Variants in HTR3B observed in about 807,000 individuals in gnomAD.
HTR3B encodes 5-hydroxytryptamine receptor 3B, also known as 5-hydroxytryptamine (serotonin) receptor 3B, ionotropic.
A neutral mutation model predicts 42.8 loss-of-function variants in HTR3B; 44 were observed. The observed-to-expected ratio is 1.03, with a 90% CI of 0.81 to 1.32. The LOEUF is 1.32. Ranked by LOEUF, HTR3B falls within the 40% of genes most tolerant of loss-of-function variation. The pLI, the probability that HTR3B is intolerant of heterozygous loss-of-function variation, is 0.00. For missense variants in HTR3B, 527 were observed against 536.5 expected, an observed-to-expected ratio of 0.98 and a Z score of 0.17; for synonymous variants, 203 against 209.0, an observed-to-expected ratio of 0.97 and a Z score of 0.25.
intron 2 of HTR3B, among the ~76,000 whole-genome samples, chr11:113,927,093 G>A (rs1201424962): frequency 6.6e-6 from 1 of 151,926 alleles, no homozygotes; most frequent in Admixed American, 6.6e-5. Context: ...TATCCACTTT[G>A]TATTATCATT....
At chr11:113,921,490 G>C (rs966905084) in intron 2 of HTR3B, among the ~76,000 whole-genome samples, 1 of 139,212 alleles carries the variant, frequency 7.2e-6, no homozygotes, top group Non-Finnish European at 1.5e-5. Flanking sequence ...GGGCGTGGTG[G>C]TGGGCACCTG....
intron 6 of HTR3B, 146 bp downstream of exon 6, chr11:113,933,239 T>G: frequency 1.4e-6 from 1 of 738,082 alleles, no homozygotes; most frequent in Non-Finnish European, 2.1e-6. Context: ...AGCATCCACC[T>G]GCATTCCAGC....
At position 113,948,554 on chromosome 11, in the gene HTR3B, G is replaced by A. The variant is rs935220621; in HGVS notation, c.*2417G>A. Among the ~76,000 whole-genome samples, 3 of 152,208 alleles carry A rather than the reference G, an allele frequency of 2.0e-5. No homozygotes were observed. Among genetic ancestry groups the A allele is most frequent in the Non-Finnish European group, 2.9e-5 (2 of 68,026 alleles). On this transcript the variant is annotated 3_prime_UTR_variant, in exon 9 of 9. Transcript: ENST00000260191. Reference sequence around the variant, plus strand: ...GTTATGAGGATCAAAATGAAAAAATGTATTGAACAATGCTTTGAAAAGTAA... The same window carrying A: ...GTTATGAGGATCAAAATGAAAAAATATATTGAACAATGCTTTGAAAAGTAA...
At position 113,948,366 on chromosome 11, in the gene HTR3B, T is replaced by C. The variant is rs560897222; in HGVS notation, c.*2229T>C. ...GTGGGGTCTCTCTCCTTCCCAACTA[T>C]GTCTTAGAGAAAGCACCAGTGTCAG... On this transcript the variant is annotated 3_prime_UTR_variant, in exon 9 of 9. Coordinates refer to ENST00000260191, the MANE Select transcript of HTR3B (RefSeq NM_006028.5). 7.2e-5 allele frequency among the ~76,000 whole-genome samples: 11 copies of C among 152,310 alleles called. 1 individual carries two copies. In the South Asian group the frequency reaches 2.3e-3, roughly 32 times the overall value.
At chr11:113,901,179 T>A (rs1182187672), upstream of HTR3B, among the ~76,000 whole-genome samples, 1 of 152,128 alleles carries the variant, frequency 6.6e-6, no homozygotes, top group Non-Finnish European at 1.5e-5. Flanking sequence ...TAGTGGTGCA[T>A]GCCTATATTC....
In HTR3B at chr11:113,926,225, G is replaced by C. The variant is rs565192509; in HGVS notation, c.214-5159G>C. Among the ~76,000 whole-genome samples, 3 of 152,078 alleles carry C rather than the reference G, an allele frequency of 2.0e-5. No homozygotes were observed. The South Asian group carries it at 6.2e-4, about 32-fold the overall frequency. On this transcript the variant is annotated intron_variant, in intron 2 of 8. Transcript: ENST00000260191. Reference sequence around the variant, plus strand: ...TATTACTTTTTATTGCTGTATAATCGATTGTATGGATATATCACATTTTGT... The same window carrying C: ...TATTACTTTTTATTGCTGTATAATCCATTGTATGGATATATCACATTTTGT...
chr11:113,934,410 AAAAGAAAG>A (rs747810303), intron 6 of HTR3B, among the ~76,000 whole-genome samples: 2 of 151,802 alleles, frequency 1.3e-5, no homozygotes, highest in Non-Finnish European at 2.9e-5. Context: ...AAGAAAGAAA[AAAAGAAAG>A]AAAGAAAGAA....
chr11:113,916,245 T>G (rs1028103375), intron 2 of HTR3B, among the ~76,000 whole-genome samples: 2 of 152,254 alleles, frequency 1.3e-5, no homozygotes, highest in Non-Finnish European at 2.9e-5. Flanking sequence ...TTTCATGTGC[T>G]TATTTGCCAA....
intron 2 of HTR3B, among the ~76,000 whole-genome samples, chr11:113,930,533 G>T (rs572170666): frequency 7.2e-6 from 1 of 138,494 alleles, no homozygotes; most frequent in East Asian, 2.1e-4. Context: ...CTGTCACCTA[G>T]GCTGGAGTGC....
At chr11:113,942,955 T>C in intron 6 of HTR3B, 27 bp from the exon 7 acceptor site, 2 of 1,608,128 alleles carry the variant, frequency 1.2e-6, no homozygotes, top group Non-Finnish European at 1.7e-6. Context: ...AGATCCTCTT[T>C]TCATCAGACC....
rs188388893 is a variant in HTR3B at position 113,935,921 on chromosome 11, G to A, written c.696+2828G>A. 1.7e-3 allele frequency among the ~76,000 whole-genome samples: 263 copies of A among 152,232 alleles called. 1 individual carries two copies. Among genetic ancestry groups the A allele is most frequent in the African/African-American group, 6.1e-3 (253 of 41,542 alleles). On this transcript the variant is annotated intron_variant, in intron 6 of 8. Transcript: ENST00000260191. ...CCATTTATACTAAATCAAGTGCTCC[G>A]GATGCCCCATGAGTTTCAGCTAATG...
chr11:113,944,596 G>C lies in HTR3B; in HGVS notation c.931G>C (p.Ala311Pro). ...LIGHFFTICM[A>P]FLVLSLAKSI... The stretch of plus-strand genomic sequence containing the variant: ...AGGGCACTTCTTCACCATCTGCATG[G>C]CCTTCTTGGTTCTCAGCTTAGCTAA... The change falls in exon 8 of 9, where the codon GCC (alanine) becomes CCC (proline). Residue 311 changes from alanine (A) to proline (P), a missense_variant. By Grantham distance (27) the Ala-to-Pro change is conservative (BLOSUM62 -1). Coordinates refer to ENST00000260191, the MANE Select transcript of HTR3B (RefSeq NM_006028.5). 1 of 1,614,088 alleles carries C rather than the reference G, an allele frequency of 6.2e-7. No individual in the cohort carries two copies. The highest frequency in any genetic ancestry group is 8.5e-7 in the Non-Finnish European group (1 of 1,179,972).
rs886374620 is a variant in HTR3B, at chr11:113,947,227, C to A, written c.*1090C>A. On this transcript the variant is annotated 3_prime_UTR_variant, in exon 9 of 9. Transcript: ENST00000260191. ...CAAGCAATTCCCCTGCCTCAGCCTC[C>A]CGAGTAGCTGGAACTACAGGTGCAT... 1.3e-5 allele frequency among the ~76,000 whole-genome samples: 2 copies of A among 152,064 alleles called. No individual in the cohort carries two copies. The highest frequency in any genetic ancestry group is 2.9e-5 in the Non-Finnish European group (2 of 68,012).
intron 6 of HTR3B, among the ~76,000 whole-genome samples, chr11:113,937,804 C>T (rs1287651782): frequency 2.0e-5 from 3 of 152,190 alleles, no homozygotes; most frequent in Non-Finnish European, 4.4e-5. Flanking sequence ...TGGCAGGTCG[C>T]GTGTATTAGT....
chr11:113,941,907 C>T (rs1950138026), intron 6 of HTR3B, among the ~76,000 whole-genome samples: 1 of 152,126 alleles, frequency 6.6e-6, no homozygotes, highest in Non-Finnish European at 1.5e-5. Context: ...AGGGGTCTGC[C>T]CGCCATCTTG....
Position 113,931,391 on chromosome 11 carries a change from A to T in HTR3B, c.221A>T (p.Glu74Val). 6.2e-7 allele frequency: 1 copy of T among 1,602,936 alleles called. No individual in the cohort carries two copies. Among genetic ancestry groups the T allele is most frequent in the Non-Finnish European group, 8.5e-7 (1 of 1,174,374 alleles). ...TTTCTTTTTGCCTTGCAGGATGCAG[A>T]GAATCAAATATTAAAGACAAGTGTA... ...FVHAILDVDAENQILKTSVWY... is the reference protein window; with the variant it reads ...FVHAILDVDAVNQILKTSVWY... The change falls in exon 3 of 9, where the codon GAG (glutamate) becomes GTG (valine). Residue 74 changes from glutamate (E) to valine (V), a missense_variant. Transcript: ENST00000260191.
In HTR3B at chr11:113,944,744, C is replaced by G; in HGVS notation, c.1079C>G (p.Ala360Gly). 6.2e-7 allele frequency: 1 copy of G among 1,613,970 alleles called. No homozygotes were observed. The highest frequency in any genetic ancestry group is 8.5e-7 in the Non-Finnish European group (1 of 1,179,890). The change falls in exon 8 of 9, where the codon GCT becomes GGT. Residue 360 changes from alanine (A) to glycine (G), a missense_variant. Transcript: ENST00000260191. ...RPRVEPRAQR[A>G]VVTESSLYGE... ...AGAGTGGAACCCAGGGCCCAACGTG[C>G]TGTGGTAACAGGTGTGTGAGAAGCC...
At chr11:113,904,768 C>T (rs1949721667), upstream of HTR3B, 2 of 608,446 alleles carry the variant, frequency 3.3e-6, no homozygotes, top group East Asian at 5.7e-5. Flanking sequence ...CTGGTATTGC[C>T]TTTGGTCCCA....
rs1380510510 is a variant in HTR3B at position 113,948,925 on chromosome 11, C to G, written c.*2788C>G. 6.6e-6 allele frequency among the ~76,000 whole-genome samples: 1 copy of G among 152,004 alleles called. No homozygotes were observed. Among genetic ancestry groups the G allele is most frequent in the Non-Finnish European group, 1.5e-5 (1 of 68,014 alleles). ...GGAGGGATAGCATTAGAAGATATAC[C>G]TAATGTTAATGGGTGCAGCACAGCA... On this transcript the variant is annotated 3_prime_UTR_variant, in exon 9 of 9. Transcript: ENST00000260191.
Sources: allele counts gnomAD v4.1 joint callset (sites outside exome capture counted in the v4.1 genomes callset), GRCh38; gene constraint gnomAD v4.1.1; transcripts MANE v1.5; gene names NCBI Gene and HGNC (gene_info 2026-07-23, HGNC 2026-07-21).